The following PEAK1 variants were observed in gnomAD, a reference collection of about 807,000 sequenced individuals.
PEAK1 encodes the protein inactive tyrosine-protein kinase PEAK1.
In PEAK1, 54 loss-of-function variants were observed where a neutral mutation model predicts 124.7. The ratio of observed to expected loss-of-function variants is 0.43; its 90% CI spans 0.35 to 0.54. PEAK1 has a LOEUF of 0.54. PEAK1 is among the 20% of genes least tolerant of loss of function. PEAK1 has a pLI of 0.01. For synonymous variants in PEAK1, 719 were observed against 760.0 expected, an observed-to-expected ratio of 0.95 and a Z score of 0.89; for missense variants, 2,046 against 2,134.5, an observed-to-expected ratio of 0.96 and a Z score of 0.82.
Position 77,180,473 on chromosome 15 carries a change from G to A in PEAK1, c.1454C>T (p.Ala485Val). The A allele has an allele frequency of 1.2e-6, 2 of 1,614,104 alleles. No homozygotes were observed. The highest frequency in any genetic ancestry group is 1.7e-6 in the Non-Finnish European group (2 of 1,180,006). ...AACAGGGCCCTCGAGGTGCTCACTGGCCATGGCTGCTGACACATCCACGAC... is the reference window on the plus strand; with the variant it reads ...AACAGGGCCCTCGAGGTGCTCACTGACCATGGCTGCTGACACATCCACGAC... ...YTVVDVSAAM[A>V]SEHLEGPVNS... The change falls in exon 7 of 10, where the codon GCC (alanine) becomes GTC (valine). Residue 485 changes from alanine (A) to valine (V), a missense_variant. Coordinates refer to ENST00000682557, the MANE Select transcript of PEAK1 (RefSeq NM_001385026.1).
At chr15:77,307,819 C>T (rs1444139467) in intron 2 of PEAK1, among the ~76,000 whole-genome samples, 1 of 152,014 alleles carries the variant, frequency 6.6e-6, no homozygotes, top group South Asian at 2.1e-4. Flanking sequence ...ACCCTGCTCT[C>T]TTTGATCCTG....
At position 77,179,094 on chromosome 15, in the gene PEAK1, T is replaced by C; in HGVS notation, c.2833A>G (p.Lys945Glu). 6.2e-7 allele frequency: 1 copy of C among 1,614,164 alleles called. No individual in the cohort carries two copies. The highest frequency in any genetic ancestry group is 1.7e-5 in the Admixed American group (1 of 60,008). ...RKTDEEDDKE[K>E]EREKGKLVGL... ...ACCAGTTTCCCTTTCTCTCGCTCTTTCTCTTTGTCATCCTCCTCATCTGTT... is the reference window on the plus strand; with the variant it reads ...ACCAGTTTCCCTTTCTCTCGCTCTTCCTCTTTGTCATCCTCCTCATCTGTT... Residue 945 changes from lysine (K) to glutamate (E), a missense_variant, in exon 7 of 10, where the codon AAA becomes GAA. Lys to Glu is a moderately conservative substitution (Grantham distance 56). Transcript: ENST00000682557.
At chr15:77,277,627 T>C (rs1245313664) in intron 5 of PEAK1, among the ~76,000 whole-genome samples, 1 of 151,198 alleles carries the variant, frequency 6.6e-6, no homozygotes, top group Non-Finnish European at 1.5e-5. Context: ...GAATTAATTC[T>C]GTGAATTATT....
chr15:77,325,215 G>C lies in PEAK1; in HGVS notation c.-602-38711C>G, dbSNP rs899737811. ...GGGAGAATTGCTGAGACTGAGTTTG[G>C]GACCAGCTTGGGCAACATAGGGAGC... On this transcript the variant is annotated intron_variant, in intron 2 of 9. Coordinates refer to ENST00000682557, the MANE Select transcript of PEAK1 (RefSeq NM_001385026.1). Among the ~76,000 whole-genome samples, 11 of 152,142 alleles carry C rather than the reference G, an allele frequency of 7.2e-5. No individual in the cohort carries two copies. The East Asian group carries it at 1.9e-3, about 27-fold the overall frequency.
chr15:77,133,405 C>T lies in PEAK1; in HGVS notation c.3677G>A (p.Arg1226Lys). The T allele has an allele frequency of 2.5e-6, 4 of 1,614,210 alleles. No homozygotes were observed. Among genetic ancestry groups the T allele is most frequent in the Non-Finnish European group, 3.4e-6 (4 of 1,180,048 alleles). The change falls in exon 9 of 10, where the codon AGA becomes AAA. Residue 1226 changes from arginine (R) to lysine (K), a missense_variant. By Grantham distance (26) the Arg-to-Lys change is conservative (BLOSUM62 2). Transcript: ENST00000682557. This position sits in a 1 kb window ranked among gnomAD's most constrained non-coding sequence, Gnocchi z 4.2. Reference sequence around the variant, plus strand: ...GCTGTTTGCTGCTGAGGGGACAGGTCTCTCCTTGCGCAAAGGCCTTTCCAA... The same window carrying T: ...GCTGTTTGCTGCTGAGGGGACAGGTTTCTCCTTGCGCAAAGGCCTTTCCAA... ...DSLERPLRKERPVPSAANSIS... is the reference protein window; with the variant it reads ...DSLERPLRKEKPVPSAANSIS...
At chr15:77,162,225 G>C (rs1292863333) in intron 7 of PEAK1, among the ~76,000 whole-genome samples, 1 of 152,018 alleles carries the variant, frequency 6.6e-6, no homozygotes, top group Non-Finnish European at 1.5e-5. Context: ...TGGGTGCGGT[G>C]GCTCAAGCCT....
chr15:77,142,631 G>A (rs796445857), intron 8 of PEAK1, among the ~76,000 whole-genome samples: 41 of 152,326 alleles, frequency 2.7e-4, no homozygotes, highest in African/African-American at 8.7e-4. Context: ...TCAGGCATAA[G>A]AGGAGTGAAG....
intron 2 of PEAK1, among the ~76,000 whole-genome samples, chr15:77,308,647 T>C (rs1286106997): frequency 6.6e-6 from 1 of 152,074 alleles, no homozygotes; most frequent in African/African-American, 2.4e-5. Flanking sequence ...ATAATATTTA[T>C]GACACTGAGC....
In PEAK1 at chr15:77,417,418, T is replaced by C. The variant is rs932441212; in HGVS notation, c.-666+2588A>G. The C allele has an allele frequency of 2.9e-5, 27 of 939,126 alleles. 1 individual carries two copies. The East Asian group carries it at 2.8e-3, about 96-fold the overall frequency. The allele number at this position is 939,126 out of a possible 1,614,324, so 58.2% of individuals were successfully genotyped here. A position where few individuals can be genotyped will look rare whatever the true frequency, so the allele number is the denominator to read the frequency against. On this transcript the variant is annotated intron_variant, in intron 1 of 9. Transcript: ENST00000682557. The stretch of plus-strand genomic sequence containing the variant: ...TAGAAAGTACCAGGAGCTTTAGTAA[T>C]GAAAGGACTAGGAAGGAGAGTGGGG...
chr15:77,239,930 G>C (rs1438965669), intron 6 of PEAK1: 2 of 758,688 alleles, frequency 2.6e-6, no homozygotes, highest in Non-Finnish European at 3.2e-6. Context: ...GTTTCTGTTT[G>C]TATTTTTTAA....
chr15:77,189,499 A>G (rs2057724707), intron 6 of PEAK1, among the ~76,000 whole-genome samples: 1 of 152,234 alleles, frequency 6.6e-6, no homozygotes, highest in African/African-American at 2.4e-5. Context: ...TGAATGAAGA[A>G]GTGTAAGAAA....
At chr15:77,407,727 C>T (rs1433389462) in intron 1 of PEAK1, among the ~76,000 whole-genome samples, 2 of 152,046 alleles carry the variant, frequency 1.3e-5, no homozygotes, top group African/African-American at 4.8e-5. Context: ...AGTAGATTTA[C>T]CATTTGACCC....
intron 2 of PEAK1, chr15:77,336,166 C>G: frequency 1.0e-6 from 1 of 985,434 alleles, no homozygotes; most frequent in Non-Finnish European, 1.2e-6. Flanking sequence ...AAGACCTGCA[C>G]CTACTTGTTC....
chr15:77,164,647 T>C (rs888665197), intron 7 of PEAK1, among the ~76,000 whole-genome samples: 1 of 152,212 alleles, frequency 6.6e-6, no homozygotes, highest in Admixed American at 6.5e-5. Flanking sequence ...AAAGTCAGAA[T>C]GGCATCTGTG....
At chr15:77,156,315 A>C (rs1399489781) in intron 8 of PEAK1, 1 of 152,738 alleles carries the variant, frequency 6.5e-6, no homozygotes, top group African/African-American at 2.4e-5. Context: ...TGCGGGATAT[A>C]ATCTCCTGGT....
rs149305099 is a variant in PEAK1 at position 77,343,789 on chromosome 15, C to T, written c.-603+21374G>A. Reference sequence around the variant, plus strand: ...GTGTGAGAAACCGCGCCGGCCTTATCTATTTTTTCTTTTGTTACCTGTGCA... The same window carrying T: ...GTGTGAGAAACCGCGCCGGCCTTATTTATTTTTTCTTTTGTTACCTGTGCA... On this transcript the variant is annotated intron_variant, in intron 2 of 9. Coordinates refer to ENST00000682557, the MANE Select transcript of PEAK1 (RefSeq NM_001385026.1). Among the ~76,000 whole-genome samples the T allele has an allele frequency of 6.4e-4, 97 of 152,026 alleles. 1 individual carries two copies. The East Asian group carries it at 0.017, about 27-fold the overall frequency.
At chr15:77,278,832 G>GTTTTTT (rs34583265) in intron 5 of PEAK1, 141 of 225,848 alleles carry the variant, frequency 6.2e-4, no homozygotes, top group Middle Eastern at 3.5e-3. Flanking sequence ...AATTTTGTGG[G>GTTTTTT]TTTTTTTTTT....
intron 5 of PEAK1, among the ~76,000 whole-genome samples, chr15:77,264,627 A>G (rs1442053722): frequency 6.6e-6 from 1 of 152,190 alleles, no homozygotes; most frequent in Non-Finnish European, 1.5e-5. Flanking sequence ...ATGGAAGAAC[A>G]TTCCACGCTC....
chr15:77,391,616 A>T (rs1296123732), intron 1 of PEAK1, among the ~76,000 whole-genome samples: 1 of 152,138 alleles, frequency 6.6e-6, no homozygotes, highest in Non-Finnish European at 1.5e-5. Flanking sequence ...TCAGGCTAAG[A>T]TAACAGTACC....
Sources: allele counts gnomAD v4.1 joint callset (sites outside exome capture counted in the v4.1 genomes callset), GRCh38; gene constraint gnomAD v4.1.1; non-coding constraint Gnocchi (gnomAD v3.1); transcripts MANE v1.5; gene names NCBI Gene and HGNC (gene_info 2026-07-23, HGNC 2026-07-21).